GSC2: variants seen among roughly 807,000 people sequenced by gnomAD.
GSC2 encodes the protein goosecoid homeobox 2.
Under a neutral mutation model 11.3 loss-of-function variants are expected in GSC2, and 12 were observed. That is an observed-to-expected ratio of 1.06 (90% CI 0.68 to 1.72). The LOEUF (loss-of-function observed/expected upper bound fraction) is 1.72. Among genes scored for constraint, GSC2 ranks in the 40% most tolerant of loss-of-function variants. GSC2 has a pLI of 0.00. For missense variants in GSC2, 310 were observed against 235.7 expected, an observed-to-expected ratio of 1.32 and a Z score of -2.06; for synonymous variants, 148 against 110.0, an observed-to-expected ratio of 1.35 and a Z score of -2.16.
Position 19,150,111 on chromosome 22 carries a change from GC to G in GSC2, c.172del (p.Ala58ArgfsTer37). 1.0e-6 allele frequency: 1 copy of G among 999,478 alleles called. No homozygotes were observed. The highest frequency in any genetic ancestry group is 1.2e-6 in the Non-Finnish European group (1 of 837,890). The allele number at this position is 999,478 out of a possible 1,614,324, so 61.9% of individuals were successfully genotyped here. On this transcript the variant is annotated frameshift_variant, in exon 1 of 3. Transcript: ENST00000086933. LOFTEE classifies it high-confidence loss of function. ...GCAGGCGCAGGGCGCAGCCTCGGGC[GC>G]CCCGGGCTCCTCTGGCTTCGCGGGG... ...QSPAKPEEPG[A>X]PEAAPCACCC...
chr22:19,148,843 C>T lies in GSC2; in HGVS notation c.*148G>A. 1 of 556,814 alleles carries T rather than the reference C, an allele frequency of 1.8e-6. No homozygotes were observed. The highest frequency in any genetic ancestry group is 3.2e-6 in the Non-Finnish European group (1 of 313,782). 34.5% of individuals were successfully genotyped at this position (556,814 alleles called of 1,614,324 possible). A position where few individuals can be genotyped will look rare whatever the true frequency, so the allele number is the denominator to read the frequency against. Reference sequence around the variant, plus strand: ...GCCCGTCCCCAGCGCCACGGCAGCACGAGCTGCAGGAGGCAAGGGCTGTGG... The same window carrying T: ...GCCCGTCCCCAGCGCCACGGCAGCATGAGCTGCAGGAGGCAAGGGCTGTGG... On this transcript the variant is annotated 3_prime_UTR_variant, in exon 3 of 3. Transcript: ENST00000086933.
intron 2 of GSC2, 72 bp downstream of exon 2, chr22:19,149,591 C>G (rs967815478): frequency 1.8e-5 from 25 of 1,394,576 alleles, no homozygotes; most frequent in Non-Finnish European, 2.3e-5. Flanking sequence ...AAAGGGCGCC[C>G]GCCCGCCAGG....
At position 19,149,036 on chromosome 22, in the gene GSC2, C is replaced by A. The variant is rs1555917834; in HGVS notation, c.573G>T (p.Ala191=). Reference sequence around the variant, plus strand: ...ACTTCTTGACGCCGGGCAGGAGCCTCGCGGAAGCCGACGCGCGCTTCTGGT... The same window carrying A: ...ACTTCTTGACGCCGGGCAGGAGCCTAGCGGAAGCCGACGCGCGCTTCTGGT... The part of the protein sequence containing the change: ...WRHQKRASAS[A]RLLPGVKKSP... Residue 191 remains alanine (A), a synonymous_variant, in exon 3 of 3, where the codon GCG becomes GCT. Coordinates refer to ENST00000086933, the MANE Select transcript of GSC2 (RefSeq NM_005315.2). The A allele has an allele frequency of 2.5e-6, 4 of 1,602,198 alleles. No homozygotes were observed. The South Asian group carries it at 3.4e-5, about 13-fold the overall frequency.
chr22:19,148,106 C>A lies in GSC2; in HGVS notation c.*885G>T, dbSNP rs569477239. The stretch of plus-strand genomic sequence containing the variant: ...GGAGTCCGAGCCCACAGCATGAAAA[C>A]CCCAGGAGGAAGCAGGGGACCCTCA... On this transcript the variant is annotated 3_prime_UTR_variant, in exon 3 of 3. Transcript: ENST00000086933. Among the ~76,000 whole-genome samples, 23 of 152,264 alleles carry A rather than the reference C, an allele frequency of 1.5e-4. No homozygotes were observed. The highest frequency in any genetic ancestry group is 5.5e-4 in the African/African-American group (23 of 41,548).
At position 19,150,175 on chromosome 22, in the gene GSC2, G is replaced by T; in HGVS notation, c.109C>A (p.Arg37=). Residue 37 remains arginine (R), a synonymous_variant, in exon 1 of 3, where the codon CGG becomes AGG. Transcript: ENST00000086933. ...SSLPERSLPA[R]AACPPQPAGR... is the part of the protein sequence containing the mutation. Reference sequence around the variant, plus strand: ...GCGGGCTGCGGTGGGCAGGCGGCCCGGGCCGGGAGGCTCCGCTCGGGCAGG... The same window carrying T: ...GCGGGCTGCGGTGGGCAGGCGGCCCTGGCCGGGAGGCTCCGCTCGGGCAGG... The T allele has an allele frequency of 1.6e-6, 1 of 612,860 alleles. No homozygotes were observed. The highest frequency in any genetic ancestry group is 2.1e-6 in the Non-Finnish European group (1 of 476,860). 38.0% of individuals were successfully genotyped at this position (612,860 alleles called of 1,614,324 possible).
chr22:19,148,957 G>A lies in GSC2; in HGVS notation c.*34C>T, dbSNP rs530975686. On this transcript the variant is annotated 3_prime_UTR_variant, in exon 3 of 3. Coordinates refer to ENST00000086933, the MANE Select transcript of GSC2 (RefSeq NM_005315.2). ...GCGCCAACTCCAAAGATCCCAAAAA[G>A]GGTGGCCGAGCCCAGGGGCAGCTCC... 7.7e-6 allele frequency: 10 copies of A among 1,296,042 alleles called. No individual in the cohort carries two copies. In the South Asian group the frequency reaches 8.9e-5, roughly 12 times the overall value. The allele number at this position is 1,296,042 out of a possible 1,614,324, so 80.3% of individuals were successfully genotyped here. A position where few individuals can be genotyped will look rare whatever the true frequency, so the allele number is the denominator to read the frequency against.
rs570054843 is a variant in GSC2 at position 19,147,622 on chromosome 22, A to G, written c.*1369T>C. ...CTGTTCAGTCCCCAAGGGCAAGACC[A>G]GGGTTCAGGGAGAAGGGCTTTGTGT... On this transcript the variant is annotated 3_prime_UTR_variant, in exon 3 of 3. Transcript: ENST00000086933. Among the ~76,000 whole-genome samples the G allele has an allele frequency of 6.6e-6, 1 of 152,318 alleles. No individual in the cohort carries two copies. The highest frequency in any genetic ancestry group is 2.4e-5 in the African/African-American group (1 of 41,580).
At position 19,148,143 on chromosome 22, in the gene GSC2, G is replaced by A. The variant is rs546690438; in HGVS notation, c.*848C>T. 6.6e-5 allele frequency among the ~76,000 whole-genome samples: 10 copies of A among 152,164 alleles called. No individual in the cohort carries two copies. Among genetic ancestry groups the A allele is most frequent in the Non-Finnish European group, 1.5e-4 (10 of 68,000 alleles). ...GCAGGGGACCCTCACCCATGGGCAG[G>A]TTCACAGTAGCCTAGAGGCCAGGGC... On this transcript the variant is annotated 3_prime_UTR_variant, in exon 3 of 3. Transcript: ENST00000086933.
rs1555917839 is a variant in GSC2 at position 19,149,059 on chromosome 22, G to C, written c.550C>G (p.Gln184Glu). 1 of 1,600,754 alleles carries C rather than the reference G, an allele frequency of 6.2e-7. No homozygotes were observed. The highest frequency in any genetic ancestry group is 2.3e-5 in the East Asian group (1 of 44,202). ...FKNRRAKWRH[Q>E]KRASASARLL... ...CTCGCGGAAGCCGACGCGCGCTTCT[G>C]GTGTCGCCATTTGGCCCGGCGGTTC... The change falls in exon 3 of 3, where the codon CAG becomes GAG. Residue 184 changes from glutamine (Q) to glutamate (E), a missense_variant. Transcript: ENST00000086933.
rs1555917812 is a variant in GSC2 at position 19,148,953 on chromosome 22, A to C, written c.*38T>G. On this transcript the variant is annotated 3_prime_UTR_variant, in exon 3 of 3. Coordinates refer to ENST00000086933, the MANE Select transcript of GSC2 (RefSeq NM_005315.2). ...CTCAGCGCCAACTCCAAAGATCCCA[A>C]AAAGGGTGGCCGAGCCCAGGGGCAG... The C allele has an allele frequency of 7.8e-7, 1 of 1,283,936 alleles. No individual in the cohort carries two copies. Among genetic ancestry groups the C allele is most frequent in the Non-Finnish European group, 1.1e-6 (1 of 908,692 alleles). The allele number at this position is 1,283,936 out of a possible 1,614,324, so 79.5% of individuals were successfully genotyped here.
intron 2 of GSC2, among the ~76,000 whole-genome samples, 183 bp downstream of exon 2, chr22:19,149,480 C>G (rs1490564815): frequency 1.3e-5 from 2 of 152,264 alleles, no homozygotes; most frequent in African/African-American, 4.8e-5. Context: ...CGGCACCTCC[C>G]TGCTCTCACC....
At position 19,150,152 on chromosome 22, in the gene GSC2, G is replaced by T; in HGVS notation, c.132C>A (p.Pro44=). 1.2e-6 allele frequency: 1 copy of T among 816,000 alleles called. No individual in the cohort carries two copies. The highest frequency in any genetic ancestry group is 1.5e-6 in the Non-Finnish European group (1 of 664,434). The allele number at this position is 816,000 out of a possible 1,614,324, so 50.5% of individuals were successfully genotyped here. A position where few individuals can be genotyped will look rare whatever the true frequency, so the allele number is the denominator to read the frequency against. ...LPARAACPPQ[P]AGRQSPAKPE... ...GCTTCGCGGGGCTCTGGCGACCGGC[G>T]GGCTGCGGTGGGCAGGCGGCCCGGG... The change falls in exon 1 of 3, where the codon CCC becomes CCA. Residue 44 remains proline (P), a synonymous_variant. Transcript: ENST00000086933.
Position 19,149,780 on chromosome 22 carries a change from G to A in GSC2, c.396C>T (p.Ile132=). The A allele has an allele frequency of 1.3e-6, 2 of 1,594,684 alleles. No individual in the cohort carries two copies. Among genetic ancestry groups the A allele is most frequent in the Non-Finnish European group, 1.7e-6 (2 of 1,172,518 alleles). ...SQRRTRRHRT[I]FSEEQLQALE... ...GCGCCTGCAGCTGCTCTTCGCTGAA[G>A]ATGGTGCGGTGGCGCCTCGTGCGCC... Residue 132 remains isoleucine (I), a synonymous_variant, in exon 2 of 3, where the codon ATC becomes ATT. Coordinates refer to ENST00000086933, the MANE Select transcript of GSC2 (RefSeq NM_005315.2).
At position 19,147,670 on chromosome 22, in the gene GSC2, G is replaced by C. The variant is rs753123188; in HGVS notation, c.*1321C>G. On this transcript the variant is annotated 3_prime_UTR_variant, in exon 3 of 3. Coordinates refer to ENST00000086933, the MANE Select transcript of GSC2 (RefSeq NM_005315.2). ...TGTGCATGCTAGGGGTGGAGGCGGG[G>C]ATGCTAGGGACACCCAGCAGTGTCA... 1.3e-5 allele frequency among the ~76,000 whole-genome samples: 2 copies of C among 152,130 alleles called. No homozygotes were observed. Among genetic ancestry groups the C allele is most frequent in the Non-Finnish European group, 2.9e-5 (2 of 67,972 alleles).
intron 2 of GSC2, 143 bp downstream of exon 2, chr22:19,149,520 C>A: frequency 1.1e-6 from 1 of 886,632 alleles, no homozygotes; most frequent in Non-Finnish European, 1.6e-6. Context: ...CGCCCAGCGC[C>A]GTCCAGGGAC....
In GSC2 at chr22:19,148,769, C is replaced by G; in HGVS notation, c.*222G>C. On this transcript the variant is annotated 3_prime_UTR_variant, in exon 3 of 3. Transcript: ENST00000086933. ...GAAACTGCTCTATGCCCCAGCCCACCCCCAAGGGACTCGCCACTCCCACTG... is the reference window on the plus strand; with the variant it reads ...GAAACTGCTCTATGCCCCAGCCCACGCCCAAGGGACTCGCCACTCCCACTG... 1 of 528,692 alleles carries G rather than the reference C, an allele frequency of 1.9e-6. No homozygotes were observed. The highest frequency in any genetic ancestry group is 3.6e-5 in the Admixed American group (1 of 27,862). 32.8% of individuals were successfully genotyped at this position (528,692 alleles called of 1,614,324 possible). A position where few individuals can be genotyped will look rare whatever the true frequency, so the allele number is the denominator to read the frequency against.
rs1217276638 is a variant in GSC2, at chr22:19,147,333, G to A, written c.*1658C>T. On this transcript the variant is annotated 3_prime_UTR_variant, in exon 3 of 3. Coordinates refer to ENST00000086933, the MANE Select transcript of GSC2 (RefSeq NM_005315.2). ...GAAGATGAGAAGCGAGCGCCTGGGT[G>A]TGAGCGTGAAGGATGCCTATGTTAA... is the stretch of plus-strand genomic sequence containing the variant. Among the ~76,000 whole-genome samples, 4 of 152,200 alleles carry A rather than the reference G, an allele frequency of 2.6e-5. No individual in the cohort carries two copies. Among genetic ancestry groups the A allele is most frequent in the Non-Finnish European group, 5.9e-5 (4 of 68,044 alleles).
Position 19,147,827 on chromosome 22 carries a change from G to A in GSC2, c.*1164C>T, listed in dbSNP as rs1424799973. Among the ~76,000 whole-genome samples, 3 of 152,128 alleles carry A rather than the reference G, an allele frequency of 2.0e-5. No individual in the cohort carries two copies. Among genetic ancestry groups the A allele is most frequent in the Non-Finnish European group, 2.9e-5 (2 of 68,006 alleles). On this transcript the variant is annotated 3_prime_UTR_variant, in exon 3 of 3. Transcript: ENST00000086933. Reference sequence around the variant, plus strand: ...AGATGGACTTCATCTCTTGCAGGTAGAATGGCCCCATTCCCTGCAGGGCCT... The same window carrying A: ...AGATGGACTTCATCTCTTGCAGGTAAAATGGCCCCATTCCCTGCAGGGCCT...
Position 19,149,030 on chromosome 22 carries a change from G to T in GSC2, c.579C>A (p.Leu193=). ...TCGGGGACTTCTTGACGCCGGGCAG[G>T]AGCCTCGCGGAAGCCGACGCGCGCT... The part of the protein sequence containing the change: ...HQKRASASAR[L]LPGVKKSPKG... Residue 193 remains leucine, a synonymous_variant, in exon 3 of 3, where the codon CTC becomes CTA. Coordinates refer to ENST00000086933, the MANE Select transcript of GSC2 (RefSeq NM_005315.2). 1 of 1,602,672 alleles carries T rather than the reference G, an allele frequency of 6.2e-7. No individual in the cohort carries two copies. The highest frequency in any genetic ancestry group is 8.5e-7 in the Non-Finnish European group (1 of 1,174,922).
Sources: allele counts gnomAD v4.1 joint callset (sites outside exome capture counted in the v4.1 genomes callset), GRCh38; gene constraint gnomAD v4.1.1; transcripts MANE v1.5; gene names NCBI Gene and HGNC (gene_info 2026-07-23, HGNC 2026-07-21).